ATP8A2: variants seen among roughly 807,000 people sequenced by gnomAD.
The protein encoded by ATP8A2 is ATPase phospholipid transporting 8A2.
In ATP8A2, 100 loss-of-function variants were observed where a neutral mutation model predicts 165.6. The ratio of observed to expected loss-of-function variants is 0.60; its 90% CI spans 0.51 to 0.71. The LOEUF (loss-of-function observed/expected upper bound fraction) is 0.71. Among genes scored for constraint, ATP8A2 ranks in the 30% least tolerant of loss-of-function variants. The probability of loss-of-function intolerance (pLI) is 0.00; values close to 1 mark genes in which losing one functional copy is unlikely to be tolerated. For missense variants in ATP8A2, 1,227 were observed against 1,479.5 expected, an observed-to-expected ratio of 0.83 and a Z score of 2.80; for synonymous variants, 543 against 548.8, an observed-to-expected ratio of 0.99 and a Z score of 0.15.
intron 25 of ATP8A2, among the ~76,000 whole-genome samples, chr13:25,720,549 C>T (rs2043356363): frequency 6.6e-6 from 1 of 152,162 alleles, no homozygotes; most frequent in African/African-American, 2.4e-5. Flanking sequence ...ACCTTGGGAT[C>T]TCCGTGTGAA....
chr13:25,950,929 C>G (rs1955338378), intron 33 of ATP8A2: 2 of 152,174 alleles, frequency 1.3e-5, no homozygotes, highest in South Asian at 4.1e-4. Flanking sequence ...AGAGTTGTCC[C>G]ACCTCATGCA....
chr13:25,896,845 A>G (rs1229271255), intron 33 of ATP8A2, among the ~76,000 whole-genome samples: 1 of 152,150 alleles, frequency 6.6e-6, no homozygotes, highest in African/African-American at 2.4e-5. Flanking sequence ...ATCAGAGACT[A>G]GGATTGCAAC....
At chr13:25,656,581 A>AT (rs1235503820) in intron 24 of ATP8A2, among the ~76,000 whole-genome samples, 2 of 151,328 alleles carry the variant, frequency 1.3e-5, no homozygotes, top group Non-Finnish European at 2.9e-5. Context: ...CCAAAGTTTG[A>AT]TTTTTTTAAA....
Position 25,959,507 on chromosome 13 carries a change from A to G in ATP8A2, c.3184-2068A>G, listed in dbSNP as rs73474525. Among the ~76,000 whole-genome samples the G allele has an allele frequency of 4.1e-3, 622 of 152,332 alleles. 4 individuals carry two copies. Among genetic ancestry groups the G allele is most frequent in the African/African-American group, 0.014 (596 of 41,566 alleles). ...AAAATGATGGTATCTACTGATATGT[A>G]TTGACAAATGTGTAATAAAGATGTG... On this transcript the variant is annotated intron_variant, in intron 33 of 36. Coordinates refer to ENST00000381655, the MANE Select transcript of ATP8A2 (RefSeq NM_016529.6).
At position 25,417,545 on chromosome 13, in the gene ATP8A2, C is replaced by T. The variant is rs114869075; in HGVS notation, c.76+45257C>T. Among the ~76,000 whole-genome samples, 973 of 152,356 alleles carry T rather than the reference C, an allele frequency of 6.4e-3. 14 individuals are homozygous for T. Among genetic ancestry groups the T allele is most frequent in the African/African-American group, 0.021 (878 of 41,588 alleles). ...ACAGATGGGATTAAAGCCTCTTTAA[C>T]ACTCCAAATTTGATAATTCTATAGC... is the stretch of plus-strand genomic sequence containing the variant. On this transcript the variant is annotated intron_variant, in intron 1 of 36. Coordinates refer to ENST00000381655, the MANE Select transcript of ATP8A2 (RefSeq NM_016529.6).
At chr13:25,726,586 T>C (rs1019853155) in intron 25 of ATP8A2, among the ~76,000 whole-genome samples, 4 of 152,222 alleles carry the variant, frequency 2.6e-5, no homozygotes, top group African/African-American at 9.7e-5. Flanking sequence ...CACATTGCTT[T>C]CTCCAATCCT....
At chr13:25,625,575 G>C (rs2041079892) in intron 24 of ATP8A2, among the ~76,000 whole-genome samples, 1 of 152,174 alleles carries the variant, frequency 6.6e-6, no homozygotes, top group Non-Finnish European at 1.5e-5. Flanking sequence ...GGGGAGGCAG[G>C]GGCAGAGGGT....
intron 25 of ATP8A2, among the ~76,000 whole-genome samples, chr13:25,700,290 G>A (rs1351874924): frequency 6.6e-6 from 1 of 152,102 alleles, no homozygotes; most frequent in East Asian, 1.9e-4. Flanking sequence ...ATACCATACA[G>A]TTCACCTATT....
intron 1 of ATP8A2, among the ~76,000 whole-genome samples, chr13:25,381,169 T>G (rs1187163146): frequency 6.6e-6 from 1 of 152,236 alleles, no homozygotes; most frequent in African/African-American, 2.4e-5. Context: ...TTATGATTAA[T>G]CTCACTTTTG....
chr13:25,884,877 A>C (rs1953095456), intron 33 of ATP8A2, among the ~76,000 whole-genome samples: 1 of 152,036 alleles, frequency 6.6e-6, no homozygotes, highest in Non-Finnish European at 1.5e-5. Context: ...ATCACCTCTG[A>C]CGAGTCCACT....
chr13:25,563,109 C>T (rs751444659), intron 15 of ATP8A2, among the ~76,000 whole-genome samples: 5 of 152,112 alleles, frequency 3.3e-5, no homozygotes, highest in East Asian at 1.9e-4. Context: ...GTCTTGACAA[C>T]GTTGAAGTTT....
At chr13:25,768,081 G>GA (rs1458481374) in intron 25 of ATP8A2, among the ~76,000 whole-genome samples, 1 of 133,638 alleles carries the variant, frequency 7.5e-6, no homozygotes, top group South Asian at 2.7e-4. Flanking sequence ...TGGCGTGGGG[G>GA]GGGGGTGGTG....
intron 24 of ATP8A2, among the ~76,000 whole-genome samples, chr13:25,611,179 T>G (rs1283466246): frequency 2.6e-5 from 4 of 152,158 alleles, no homozygotes; most frequent in African/African-American, 9.7e-5. Context: ...CTTCCAGTAC[T>G]ATGTTGAATA....
chr13:25,829,578 A>G (rs1951402731), intron 28 of ATP8A2, among the ~76,000 whole-genome samples: 1 of 149,778 alleles, frequency 6.7e-6, no homozygotes, highest in East Asian at 2.0e-4. Context: ...TGGAGCTGAC[A>G]CTTCACACAA....
At chr13:25,437,491 T>C (rs1432377612) in intron 1 of ATP8A2, among the ~76,000 whole-genome samples, 1 of 152,246 alleles carries the variant, frequency 6.6e-6, no homozygotes, top group African/African-American at 2.4e-5. Flanking sequence ...GGAAATCTGA[T>C]GACTTTTCAA....
intron 1 of ATP8A2, among the ~76,000 whole-genome samples, chr13:25,444,992 A>G (rs1350512521): frequency 1.3e-5 from 2 of 152,288 alleles, no homozygotes; most frequent in East Asian, 1.9e-4. Context: ...TGTGAATAAC[A>G]TGTTGAAGCC....
chr13:25,439,956 C>T (rs1389038176), intron 1 of ATP8A2, among the ~76,000 whole-genome samples: 1 of 151,932 alleles, frequency 6.6e-6, no homozygotes, highest in Non-Finnish European at 1.5e-5. Flanking sequence ...ATTGAGAGGT[C>T]ACTGCAGGCT....
rs112095788 is a variant in ATP8A2, at chr13:25,597,377, A to G, written c.2211+7678A>G. 1.2e-3 allele frequency among the ~76,000 whole-genome samples: 180 copies of G among 152,316 alleles called. 3 individuals are homozygous for G. Among genetic ancestry groups the G allele is most frequent in the African/African-American group, 4.0e-3 (167 of 41,574 alleles). On this transcript the variant is annotated intron_variant, in intron 24 of 36. Transcript: ENST00000381655. ...AGTAGAATATGGCAAAGGTAATGGA[A>G]TGTCACTCCCTTGCATGATATAAGA...
chr13:25,611,497 A>T (rs562055528), intron 24 of ATP8A2, among the ~76,000 whole-genome samples: 3 of 152,094 alleles, frequency 2.0e-5, no homozygotes. Flanking sequence ...TATGAAACCC[A>T]CTTGATCAAG....
Sources: allele counts gnomAD v4.1 joint callset (sites outside exome capture counted in the v4.1 genomes callset), GRCh38; gene constraint gnomAD v4.1.1; transcripts MANE v1.5; gene names NCBI Gene and HGNC (gene_info 2026-07-23, HGNC 2026-07-21).